The following LYPLA1 variants were observed in gnomAD, a reference collection of about 807,000 sequenced individuals.
The protein encoded by LYPLA1 is lysophospholipase 1.
A neutral mutation model predicts 34.0 loss-of-function variants in LYPLA1; 17 were observed. The observed-to-expected ratio is 0.50, with a 90% CI of 0.34 to 0.75. LYPLA1 has a LOEUF of 0.75. LYPLA1 is among the 30% of genes least tolerant of loss of function. The probability of loss-of-function intolerance (pLI) is 0.01; values close to 1 mark genes in which losing one functional copy is unlikely to be tolerated. For missense variants in LYPLA1, 203 were observed against 288.8 expected (o/e 0.70, Z 2.15); for synonymous variants, 98 against 100.8 (o/e 0.97, Z 0.17).
At position 54,059,461 on chromosome 8, in the gene LYPLA1, C is replaced by T. The variant is rs1015812060; in HGVS notation, c.286+2793G>A. Among the ~76,000 whole-genome samples the T allele has an allele frequency of 3.4e-5, 4 of 118,564 alleles. 1 individual carries two copies. Among genetic ancestry groups the T allele is most frequent in the Non-Finnish European group, 6.2e-5 (4 of 64,454 alleles). The allele number at this position is 118,564 out of a possible 152,430, so 77.8% of individuals were successfully genotyped here. On this transcript the variant is annotated intron_variant, in intron 5 of 8. Coordinates refer to ENST00000316963, the MANE Select transcript of LYPLA1 (RefSeq NM_006330.4). ...CTGGGACTACAGGCGCCCGCCACCG[C>T]GCCCGGCTAATTTTTTGTATTTTTA... is the stretch of plus-strand genomic sequence containing the variant.
At chr8:54,070,187 T>C (rs761284493) in intron 2 of LYPLA1, among the ~76,000 whole-genome samples, 1 of 152,200 alleles carries the variant, frequency 6.6e-6, no homozygotes, top group Admixed American at 6.5e-5. Context: ...TGGTGGCTCA[T>C]GCCTGTAAAC....
intron 1 of LYPLA1, chr8:54,101,327 T>TTC (rs1810127804): frequency 9.3e-7 from 1 of 1,075,234 alleles, no homozygotes; most frequent in Non-Finnish European, 1.1e-6. Flanking sequence ...TACACGAGTT[T>TTC]TCTAAAAAAC....
chr8:54,068,145 CA>C, intron 2 of LYPLA1, among the ~76,000 whole-genome samples: 1 of 152,164 alleles, frequency 6.6e-6, no homozygotes, highest in East Asian at 1.9e-4. Flanking sequence ...TGTGTATATG[CA>C]CATGTGTATA....
At chr8:54,077,244 G>A (rs904141096) in intron 2 of LYPLA1, among the ~76,000 whole-genome samples, 4 of 152,110 alleles carry the variant, frequency 2.6e-5, no homozygotes, top group South Asian at 2.1e-4. Flanking sequence ...CACAGGAACC[G>A]AAAACCAAAT....
At position 54,091,529 on chromosome 8, in the gene LYPLA1, GAA is replaced by G. The variant is rs372241124; in HGVS notation, c.101+9377_101+9378del. On this transcript the variant is annotated intron_variant, in intron 2 of 8. Coordinates refer to ENST00000316963, the MANE Select transcript of LYPLA1 (RefSeq NM_006330.4). ...AAAAGGAAAGGAAAGAAAAAGAAAA[GAA>G]AAAAGAAAAGAAAAGAAAAGAAGAA... 2.3e-3 allele frequency among the ~76,000 whole-genome samples: 256 copies of G among 109,566 alleles called. 1 individual carries two copies. The highest frequency in any genetic ancestry group is 4.8e-3 in the Middle Eastern group (1 of 210). 71.9% of individuals were successfully genotyped at this position (109,566 alleles called of 152,430 possible).
chr8:54,084,947 T>C (rs1808594425), intron 2 of LYPLA1, among the ~76,000 whole-genome samples: 1 of 152,128 alleles, frequency 6.6e-6, no homozygotes, highest in Admixed American at 6.5e-5. Context: ...AGTCTACCAA[T>C]CCAATGTTTA....
chr8:54,091,489 AAAAG>A (rs1809246624), intron 2 of LYPLA1, among the ~76,000 whole-genome samples: 1 of 151,570 alleles, frequency 6.6e-6, no homozygotes, highest in African/African-American at 2.4e-5. Context: ...CTGTCTCAAA[AAAAG>A]AAAAGAAAAG....
intron 5 of LYPLA1, among the ~76,000 whole-genome samples, chr8:54,059,899 G>A (rs763894093): frequency 1.3e-5 from 2 of 152,100 alleles, no homozygotes; most frequent in Non-Finnish European, 1.5e-5. Context: ...TAACCTGGGC[G>A]ACAGTCTCTA....
downstream of LYPLA1, among the ~76,000 whole-genome samples, chr8:54,045,106 T>C (rs982587458): frequency 6.6e-6 from 1 of 152,180 alleles, no homozygotes; most frequent in Non-Finnish European, 1.5e-5. Flanking sequence ...CCTAAGTAAA[T>C]AGTTTCCTTC....
At chr8:54,091,170 C>T (rs929949656) in intron 2 of LYPLA1, among the ~76,000 whole-genome samples, 6 of 152,096 alleles carry the variant, frequency 3.9e-5, no homozygotes, top group African/African-American at 1.4e-4. Context: ...ATGCCTGGCT[C>T]CAACCTCCAT....
chr8:54,089,517 T>C (rs897524428), intron 2 of LYPLA1, among the ~76,000 whole-genome samples: 4 of 143,824 alleles, frequency 2.8e-5, no homozygotes, highest in African/African-American at 7.8e-5. Flanking sequence ...TCTTTGAACA[T>C]ATGTGACAAT....
intron 2 of LYPLA1, among the ~76,000 whole-genome samples, chr8:54,092,230 G>T (rs984743239): frequency 2.0e-5 from 3 of 150,910 alleles, no homozygotes; most frequent in African/African-American, 7.3e-5. Context: ...AGGAGGAGGA[G>T]GAGAAGGAGA....
At chr8:54,068,610 C>T (rs1807250040) in intron 2 of LYPLA1, among the ~76,000 whole-genome samples, 1 of 152,132 alleles carries the variant, frequency 6.6e-6, no homozygotes, top group Admixed American at 6.6e-5. Flanking sequence ...GTCTTTTTAA[C>T]AAAAGTAGCT....
At chr8:54,077,709 G>A (rs1240336163) in intron 2 of LYPLA1, among the ~76,000 whole-genome samples, 2 of 152,158 alleles carry the variant, frequency 1.3e-5, no homozygotes, top group African/African-American at 4.8e-5. Flanking sequence ...ATAGTAAAGT[G>A]TATGTTCCAA....
At chr8:54,094,371 A>G (rs1809523958) in intron 2 of LYPLA1, among the ~76,000 whole-genome samples, 1 of 152,138 alleles carries the variant, frequency 6.6e-6, no homozygotes, top group Non-Finnish European at 1.5e-5. Flanking sequence ...AATGAAGCAT[A>G]GCTGTGAGCT....
intron 2 of LYPLA1, among the ~76,000 whole-genome samples, chr8:54,099,549 C>G (rs1292439413): frequency 6.6e-6 from 1 of 152,098 alleles, no homozygotes; most frequent in Non-Finnish European, 1.5e-5. Flanking sequence ...TGGTGGCAAG[C>G]AACTGTAGTC....
At chr8:54,086,442 A>T (rs1298543682) in intron 2 of LYPLA1, among the ~76,000 whole-genome samples, 4 of 124,198 alleles carry the variant, frequency 3.2e-5, no homozygotes, top group African/African-American at 1.7e-4. Flanking sequence ...AAAAATTAAA[A>T]AAAAAAAAAA....
chr8:54,061,779 C>A (rs981682259), intron 5 of LYPLA1, among the ~76,000 whole-genome samples: 3 of 152,112 alleles, frequency 2.0e-5, no homozygotes, highest in Non-Finnish European at 4.4e-5. Context: ...AAGACCCTCT[C>A]TGGGGGGCAG....
intron 2 of LYPLA1, among the ~76,000 whole-genome samples, chr8:54,069,862 C>G (rs1450473338): frequency 6.6e-6 from 1 of 152,188 alleles, no homozygotes; most frequent in Non-Finnish European, 1.5e-5. Flanking sequence ...ATTTCTCAGA[C>G]AAATGAATGG....
Sources: allele counts gnomAD v4.1 joint callset (sites outside exome capture counted in the v4.1 genomes callset), GRCh38; gene constraint gnomAD v4.1.1; transcripts MANE v1.5; gene names NCBI Gene and HGNC (gene_info 2026-07-23, HGNC 2026-07-21).